EPHA7: variants seen among roughly 807,000 people sequenced by gnomAD.
EPHA7 encodes ephrin type-A receptor 7.
EPHA7 carries 25 observed loss-of-function variants against 112.6 expected under a neutral mutation model. The ratio of observed to expected loss-of-function variants is 0.22; its 90% CI spans 0.16 to 0.31. The LOEUF (loss-of-function observed/expected upper bound fraction) is 0.31. EPHA7 is among the 10% of genes least tolerant of loss of function. The pLI is 1.00. For synonymous variants in EPHA7, 437 were observed against 406.5 expected, an observed-to-expected ratio of 1.07 and a Z score of -0.90; for missense variants, 962 against 1,212.6, an observed-to-expected ratio of 0.79 and a Z score of 3.07.
At chr6:93,291,563 T>A (rs7758199) in intron 5 of EPHA7, among the ~76,000 whole-genome samples, 66,968 of 150,258 alleles carry the variant, frequency 0.45, 15,757 homozygotes, top group South Asian at 0.7. Context: ...GGTCAGGAGA[T>A]CGAGACCATC....
At chr6:93,355,429 T>C (rs1055346857) in intron 5 of EPHA7, among the ~76,000 whole-genome samples, 3 of 152,166 alleles carry the variant, frequency 2.0e-5, no homozygotes, top group Non-Finnish European at 4.4e-5. Context: ...AAATGAAGAA[T>C]AGATTAGTCT....
chr6:93,342,892 T>C (rs1024953970), intron 5 of EPHA7, among the ~76,000 whole-genome samples: 3 of 151,744 alleles, frequency 2.0e-5, no homozygotes, highest in African/African-American at 7.2e-5. Flanking sequence ...TTTACTGATA[T>C]GTGTAAAGAA....
intron 3 of EPHA7, among the ~76,000 whole-genome samples, chr6:93,369,310 A>C (rs1274761708): frequency 6.6e-6 from 1 of 152,048 alleles, no homozygotes; most frequent in Non-Finnish European, 1.5e-5. Flanking sequence ...AAACCAGTTA[A>C]TTAATTGCTG....
chr6:93,289,639 T>TA lies in EPHA7; in HGVS notation c.1325-17218dup, dbSNP rs199857647. 7.3e-3 allele frequency among the ~76,000 whole-genome samples: 1,102 copies of TA among 151,860 alleles called. 40 individuals are homozygous for TA. The East Asian group carries it at 0.11, about 15-fold the overall frequency. On this transcript the variant is annotated intron_variant, in intron 5 of 16. Transcript: ENST00000369303. ...ACTCCATCTCAAAAAAATAAAAAAA[T>TA]AAAAAAATAAGAAAGTATGTAGAAT... is the stretch of plus-strand genomic sequence containing the variant.
rs1779417943 is a variant in EPHA7, at chr6:93,419,423, T to G, written c.-82A>C. 1.8e-6 allele frequency: 2 copies of G among 1,141,118 alleles called. No homozygotes were observed. Among genetic ancestry groups the G allele is most frequent in the Non-Finnish European group, 2.6e-6 (2 of 773,196 alleles). 70.7% of individuals were successfully genotyped at this position (1,141,118 alleles called of 1,614,324 possible). A position where few individuals can be genotyped will look rare whatever the true frequency, so the allele number is the denominator to read the frequency against. ...ATGCTGTTTGTTCCGAAGTAGCTTT[T>G]GTTTTATTGTGCTCCTTGCATCGAT... On this transcript the variant is annotated 5_prime_UTR_variant, in exon 1 of 17. Transcript: ENST00000369303.
intron 5 of EPHA7, among the ~76,000 whole-genome samples, chr6:93,346,501 A>G (rs984347069): frequency 6.6e-6 from 1 of 151,774 alleles, no homozygotes; most frequent in African/African-American, 2.4e-5. Flanking sequence ...TCTTTAGTCA[A>G]TGTATATTGG....
At chr6:93,312,384 T>C (rs186317199) in intron 5 of EPHA7, among the ~76,000 whole-genome samples, 1 of 146,334 alleles carries the variant, frequency 6.8e-6, no homozygotes, top group East Asian at 2.1e-4. Context: ...CATCTTGCAC[T>C]TTCATGTTAT....
chr6:93,334,342 A>G (rs1329636380), intron 5 of EPHA7, among the ~76,000 whole-genome samples: 1 of 152,040 alleles, frequency 6.6e-6, no homozygotes, highest in African/African-American at 2.4e-5. Context: ...GGCCCTGGCA[A>G]AGATTTCATG....
At chr6:93,261,893 G>A (rs564171730) in intron 9 of EPHA7, among the ~76,000 whole-genome samples, 6 of 151,424 alleles carry the variant, frequency 4.0e-5, no homozygotes, top group Non-Finnish European at 8.9e-5. Context: ...TAAGCATAAG[G>A]CTATACAACA....
chr6:93,358,468 A>C, intron 3 of EPHA7, 57 bp from the exon 4 acceptor site: 1 of 1,448,438 alleles, frequency 6.9e-7, no homozygotes, highest in Non-Finnish European at 9.3e-7. Flanking sequence ...ATCTTTAAAA[A>C]AAAATTGTAT....
chr6:93,386,921 G>C (rs1186850903), intron 3 of EPHA7, among the ~76,000 whole-genome samples: 1 of 152,002 alleles, frequency 6.6e-6, no homozygotes, highest in Non-Finnish European at 1.5e-5. Flanking sequence ...ACAGTAGGGG[G>C]GTCCTGGACC....
intron 10 of EPHA7, among the ~76,000 whole-genome samples, 159 bp from the exon 11 acceptor site, chr6:93,258,443 A>G (rs1273220767): frequency 6.6e-6 from 1 of 152,034 alleles, no homozygotes; most frequent in Admixed American, 6.6e-5. Context: ...TGTGAGTTAC[A>G]CTGAATACAT....
chr6:93,405,801 GTGTGTGTGTGTGTATA>G (rs1485046849), intron 3 of EPHA7, among the ~76,000 whole-genome samples: 22 of 64,378 alleles, frequency 3.4e-4, no homozygotes, highest in African/African-American at 9.1e-4. Flanking sequence ...GTGTGTGTGT[GTGTGTGTGTGTGTATA>G]TATATATATA....
At position 93,269,505 on chromosome 6, in the gene EPHA7, T is replaced by C. The variant is rs142445321; in HGVS notation, c.1605A>G (p.Leu535=). The stretch of plus-strand genomic sequence containing the variant: ...CAAACATTTTACCTGTAGCTTCCTC[T>C]AGTGTAGCAACATCAAGTCTGGGAC... ...NYSPRLDVAT[L]EEATGKMFEA... Residue 535 remains leucine (L), a synonymous_variant, in exon 7 of 17, where the codon CTA becomes CTG. Transcript: ENST00000369303. The C allele has an allele frequency of 9.7e-5, 156 of 1,611,078 alleles. No homozygotes were observed. In the African/African-American group the frequency reaches 2.0e-3, roughly 20 times the overall value.
intron 7 of EPHA7, among the ~76,000 whole-genome samples, chr6:93,267,363 G>A (rs1366772619): frequency 2.0e-5 from 3 of 151,738 alleles, no homozygotes; most frequent in Non-Finnish European, 2.9e-5. Context: ...TAGAAATTAG[G>A]GTACAGAGAC....
rs900096878 is a variant in EPHA7 at position 93,360,973 on chromosome 6, T to A, written c.833-2562A>T. Among the ~76,000 whole-genome samples the A allele has an allele frequency of 2.0e-5, 3 of 152,074 alleles. 1 individual carries two copies. The highest frequency in any genetic ancestry group is 7.2e-5 in the African/African-American group (3 of 41,440). ...ACCCTAAAACTTAATTTTCAATGGA[T>A]CCTTATTATTTTTATTATACATTTT... On this transcript the variant is annotated intron_variant, in intron 3 of 16. Coordinates refer to ENST00000369303, the MANE Select transcript of EPHA7 (RefSeq NM_004440.4).
At chr6:93,297,439 T>C (rs1284153999) in intron 5 of EPHA7, among the ~76,000 whole-genome samples, 1 of 152,148 alleles carries the variant, frequency 6.6e-6, no homozygotes, top group Non-Finnish European at 1.5e-5. Context: ...TTGGTCAATA[T>C]AGTCATAAAG....
chr6:93,344,132 A>G (rs977601410), intron 5 of EPHA7, among the ~76,000 whole-genome samples: 1 of 151,598 alleles, frequency 6.6e-6, no homozygotes, highest in Admixed American at 6.6e-5. Flanking sequence ...TCTATCATCT[A>G]TCATCTATCT....
intron 9 of EPHA7, among the ~76,000 whole-genome samples, chr6:93,261,212 T>A (rs79430044): frequency 2.0e-5 from 3 of 151,780 alleles, no homozygotes; most frequent in Admixed American, 1.3e-4. Flanking sequence ...ATTGTGTTTA[T>A]ATCTTTAAAT....
Sources: allele counts gnomAD v4.1 joint callset (sites outside exome capture counted in the v4.1 genomes callset), GRCh38; gene constraint gnomAD v4.1.1; transcripts MANE v1.5; gene names NCBI Gene and HGNC (gene_info 2026-07-23, HGNC 2026-07-21).